Variants in CNTNAP2 observed in about 807,000 individuals in gnomAD.
CNTNAP2 encodes the protein contactin associated protein 2.
In CNTNAP2, 98 loss-of-function variants were observed where a neutral mutation model predicts 155.2. That is an observed-to-expected ratio of 0.63 (90% CI 0.54 to 0.75). The LOEUF (loss-of-function observed/expected upper bound fraction) is 0.75, where lower values mean the gene tolerates loss of function less well. CNTNAP2 is among the 30% of genes least tolerant of loss of function. The probability of loss-of-function intolerance (pLI) is 0.00; values close to 1 mark genes in which losing one functional copy is unlikely to be tolerated. For missense variants in CNTNAP2, 1,727 were observed against 1,688.1 expected (o/e 1.02, Z -0.40); for synonymous variants, 651 against 631.2 (o/e 1.03, Z -0.47).
At chr7:148,413,182 A>G (rs1389230719) in intron 23 of CNTNAP2, among the ~76,000 whole-genome samples, 1 of 151,454 alleles carries the variant, frequency 6.6e-6, no homozygotes, top group Non-Finnish European at 1.5e-5. Context: ...ACCTGAGGTC[A>G]GGAGTTCAGG....
chr7:148,266,944 A>C, intron 20 of CNTNAP2, 89 bp from the exon 21 acceptor site: 2 of 1,218,820 alleles, frequency 1.6e-6, no homozygotes, highest in Non-Finnish European at 2.4e-6. Context: ...ACCAGGGTTC[A>C]AAGAGTGATG....
At chr7:146,386,764 G>A (rs1362367213) in intron 1 of CNTNAP2, among the ~76,000 whole-genome samples, 1 of 152,110 alleles carries the variant, frequency 6.6e-6, no homozygotes, top group Non-Finnish European at 1.5e-5. Flanking sequence ...TATTTTCTCT[G>A]TATCATTAGT....
At chr7:147,507,882 T>C (rs1798940218) in intron 11 of CNTNAP2, among the ~76,000 whole-genome samples, 1 of 152,098 alleles carries the variant, frequency 6.6e-6, no homozygotes, top group Admixed American at 6.5e-5. Context: ...TTTTTCTTTG[T>C]TTTCTGTAAC....
chr7:148,388,858 A>ACTGCGAATGCTGCCATCT (rs1460890143), intron 22 of CNTNAP2, among the ~76,000 whole-genome samples: 5 of 152,078 alleles, frequency 3.3e-5, no homozygotes, highest in Middle Eastern at 3.2e-3. Context: ...TTTTTCGTGA[A>ACTGCGAATGCTGCCATCT]CTGCGAATGC....
At chr7:146,879,090 T>C (rs577297196) in intron 3 of CNTNAP2, among the ~76,000 whole-genome samples, 1 of 152,284 alleles carries the variant, frequency 6.6e-6, no homozygotes, top group South Asian at 2.1e-4. Flanking sequence ...GAATGAAATA[T>C]AATGGAAAGC....
At chr7:146,195,796 A>G (rs769231593) in intron 1 of CNTNAP2, among the ~76,000 whole-genome samples, 20 of 152,210 alleles carry the variant, frequency 1.3e-4, no homozygotes, top group Non-Finnish European at 2.6e-4. Context: ...CCCTTTGCCT[A>G]CAACGCACGC....
chr7:146,801,927 A>G (rs1293738593), intron 2 of CNTNAP2, among the ~76,000 whole-genome samples: 2 of 152,234 alleles, frequency 1.3e-5, no homozygotes, highest in African/African-American at 2.4e-5. Flanking sequence ...CAAGACAGAT[A>G]TGAATCTCAG....
chr7:148,302,150 C>G (rs765209945), intron 21 of CNTNAP2, among the ~76,000 whole-genome samples: 85 of 152,194 alleles, frequency 5.6e-4, no homozygotes, highest in Non-Finnish European at 1.1e-3. Flanking sequence ...GTGAAGGCCA[C>G]TTTCTTAGTG....
chr7:146,853,703 G>C (rs538368776), intron 3 of CNTNAP2, among the ~76,000 whole-genome samples: 1 of 152,182 alleles, frequency 6.6e-6, no homozygotes, highest in South Asian at 2.1e-4. Context: ...TATTTAAGAA[G>C]ATATCATAGT....
chr7:146,460,654 G>A (rs1389047507), intron 1 of CNTNAP2, among the ~76,000 whole-genome samples: 2 of 152,112 alleles, frequency 1.3e-5, no homozygotes, highest in East Asian at 1.9e-4. Context: ...TAAAAAGAAG[G>A]AAATCCTGTC....
chr7:146,724,023 G>A (rs539511357), intron 1 of CNTNAP2, among the ~76,000 whole-genome samples: 4 of 152,090 alleles, frequency 2.6e-5, no homozygotes, highest in African/African-American at 9.7e-5. Flanking sequence ...TTGTTTTCTG[G>A]AATTCAAACG....
intron 3 of CNTNAP2, among the ~76,000 whole-genome samples, chr7:146,963,901 T>G (rs917920601): frequency 1.3e-5 from 2 of 152,150 alleles, no homozygotes; most frequent in Non-Finnish European, 2.9e-5. Context: ...CTTCCCAGGC[T>G]GGAAGACACT....
In CNTNAP2 at chr7:148,405,077, G is replaced by A. The variant is rs529890784; in HGVS notation, c.3716-4314G>A. On this transcript the variant is annotated intron_variant, in intron 22 of 23. Transcript: ENST00000361727. ...CAGGGCTGTGAATTTCTCATTTAGG[G>A]CTGTGGGCTCAGGTTTGTGTGTGGA... Among the ~76,000 whole-genome samples the A allele has an allele frequency of 3.9e-5, 6 of 152,200 alleles. No homozygotes were observed. In the East Asian group the frequency reaches 9.7e-4, roughly 25 times the overall value.
At chr7:147,624,750 G>T (rs894365968) in intron 12 of CNTNAP2, among the ~76,000 whole-genome samples, 2 of 152,100 alleles carry the variant, frequency 1.3e-5, no homozygotes, top group African/African-American at 2.4e-5. Context: ...CAATCCTACT[G>T]ATGGGTATAT....
At chr7:147,951,028 G>A (rs904200013) in intron 14 of CNTNAP2, among the ~76,000 whole-genome samples, 2 of 152,104 alleles carry the variant, frequency 1.3e-5, no homozygotes, top group African/African-American at 4.8e-5. Context: ...CTGCTTCTTT[G>A]GGTCTTCATT....
chr7:146,278,513 A>C (rs1800199966), intron 1 of CNTNAP2, among the ~76,000 whole-genome samples: 1 of 152,206 alleles, frequency 6.6e-6, no homozygotes, highest in Non-Finnish European at 1.5e-5. Flanking sequence ...TCACTAAAAA[A>C]ATGAAAAAAG....
intron 8 of CNTNAP2, among the ~76,000 whole-genome samples, chr7:147,290,424 G>A (rs1805277428): frequency 6.6e-6 from 1 of 152,068 alleles, no homozygotes; most frequent in Admixed American, 6.6e-5. Context: ...GCTCACTCCT[G>A]TAATCCAGCA....
rs571612310 is a variant in CNTNAP2 at position 147,573,521 on chromosome 7, A to C, written c.1897+11264A>C. Among the ~76,000 whole-genome samples, 134 of 152,312 alleles carry C rather than the reference A, an allele frequency of 8.8e-4. 2 individuals are homozygous for C. The South Asian group carries it at 0.021, about 24-fold the overall frequency. On this transcript the variant is annotated intron_variant, in intron 12 of 23. Transcript: ENST00000361727. Reference sequence around the variant, plus strand: ...TGGTGTAGCTCTAGGTTTCAGGGCTAGGACAAGGCAGCATAATTTTGAGAG... The same window carrying C: ...TGGTGTAGCTCTAGGTTTCAGGGCTCGGACAAGGCAGCATAATTTTGAGAG...
chr7:147,594,826 A>G (rs1045710110), intron 12 of CNTNAP2, among the ~76,000 whole-genome samples: 1 of 152,190 alleles, frequency 6.6e-6, no homozygotes, highest in Non-Finnish European at 1.5e-5. Context: ...CAATATGGTA[A>G]AAAGAGAGCA....
Sources: gnomAD v4.1 joint callset for allele counts (sites outside exome capture counted in the v4.1 genomes callset) on GRCh38, gnomAD v4.1.1 for gene constraint, MANE v1.5 for transcripts, NCBI Gene and HGNC (gene_info 2026-07-23, HGNC 2026-07-21) for gene names.